Variants in RBMS1 observed in about 807,000 individuals in gnomAD.
RBMS1 encodes the protein RNA-binding motif, single-stranded-interacting protein 1.
A neutral mutation model predicts 62.3 loss-of-function variants in RBMS1; 17 were observed. The ratio of observed to expected loss-of-function variants is 0.27; its 90% confidence interval spans 0.19 to 0.41. The LOEUF is 0.41. Ranked by LOEUF, RBMS1 falls within the 10% of genes least tolerant of loss-of-function variation. RBMS1 has a pLI of 1.00. For synonymous variants in RBMS1, 172 were observed against 170.0 expected (o/e 1.01, Z -0.09); for missense variants, 334 against 504.5 (o/e 0.66, Z 3.24).
Position 160,400,567 on chromosome 2 carries a change from T to A in RBMS1, c.76-33176A>T, listed in dbSNP as rs1289982021. On this transcript the variant is annotated intron_variant, in intron 1 of 13. Transcript: ENST00000348849. ...TAAGTCAAATGAAAACAGGTGATTG[T>A]GATAATGCCTCTATATTTAGAATAT... 2.0e-5 allele frequency among the ~76,000 whole-genome samples: 3 copies of A among 152,106 alleles called. No individual in the cohort carries two copies. The East Asian group carries it at 5.8e-4, about 29-fold the overall frequency.
intron 1 of RBMS1, among the ~76,000 whole-genome samples, chr2:160,387,460 G>A (rs1694639553): frequency 6.6e-6 from 1 of 152,024 alleles, no homozygotes; most frequent in South Asian, 2.1e-4. Flanking sequence ...ACAAGCAGAG[G>A]CAGGGAGAGG....
chr2:160,324,861 G>A (rs1690797302), intron 2 of RBMS1, among the ~76,000 whole-genome samples: 1 of 127,964 alleles, frequency 7.8e-6, no homozygotes. Context: ...ACTATTCTAA[G>A]CGAGATGTGT....
At chr2:160,453,960 A>C (rs1553528781) in intron 1 of RBMS1, among the ~76,000 whole-genome samples, 1 of 151,940 alleles carries the variant, frequency 6.6e-6, no homozygotes, top group Non-Finnish European at 1.5e-5. Flanking sequence ...TTCCCAACCC[A>C]CTAAGTTTCA....
chr2:160,418,311 C>A (rs1190423897), intron 1 of RBMS1, among the ~76,000 whole-genome samples: 1 of 152,226 alleles, frequency 6.6e-6, no homozygotes, highest in Non-Finnish European at 1.5e-5. Context: ...TCAATTCCAA[C>A]TGATGAGCCT....
chr2:160,407,390 G>C (rs1380035083), intron 1 of RBMS1: 6 of 985,664 alleles, frequency 6.1e-6, no homozygotes, highest in Non-Finnish European at 7.2e-6. Context: ...AGGAGGCGCG[G>C]AGCCCCTGAG....
intron 1 of RBMS1, among the ~76,000 whole-genome samples, chr2:160,407,232 G>A (rs1043729909): frequency 6.6e-6 from 1 of 151,996 alleles, no homozygotes; most frequent in East Asian, 1.9e-4. Flanking sequence ...CCGGCTCTCC[G>A]CTCCTGCCCC....
At chr2:160,282,270 C>A (rs1386537536) in intron 9 of RBMS1, 1 of 1,367,838 alleles carries the variant, frequency 7.3e-7, no homozygotes, top group Admixed American at 1.9e-5. Context: ...GATAGCAGAG[C>A]CCCGATACTT....
chr2:160,457,378 C>T (rs1029256738), intron 1 of RBMS1, among the ~76,000 whole-genome samples: 5 of 152,190 alleles, frequency 3.3e-5, no homozygotes, highest in African/African-American at 1.2e-4. Flanking sequence ...GATCTGCCTG[C>T]CTCAGCCTCC....
At chr2:160,416,436 C>T (rs1696211588) in intron 1 of RBMS1, among the ~76,000 whole-genome samples, 2 of 152,078 alleles carry the variant, frequency 1.3e-5, no homozygotes, top group African/African-American at 4.8e-5. Flanking sequence ...TAGATAACTT[C>T]TGAAGACATT....
rs1694785293 is a variant in RBMS1, at chr2:160,390,168, C to T, written c.76-22777G>A. 1.3e-5 allele frequency among the ~76,000 whole-genome samples: 2 copies of T among 152,174 alleles called. 1 individual carries two copies. The highest frequency in any genetic ancestry group is 4.1e-4 in the South Asian group (2 of 4,828). ...TGCTTTTCCACTCCACCCACTTACA[C>T]ACCCCAAGTGAGATGTGGTGGATGA... is the stretch of plus-strand genomic sequence containing the variant. On this transcript the variant is annotated intron_variant, in intron 1 of 13. Coordinates refer to ENST00000348849, the MANE Select transcript of RBMS1 (RefSeq NM_016836.4).
chr2:160,400,580 A>AT (rs1695383911), intron 1 of RBMS1, among the ~76,000 whole-genome samples: 1 of 152,152 alleles, frequency 6.6e-6, no homozygotes, highest in African/African-American at 2.4e-5. Context: ...TAATGCCTCT[A>AT]TATTTAGAAT....
chr2:160,359,881 T>C (rs1161237184), intron 2 of RBMS1, among the ~76,000 whole-genome samples: 2 of 152,164 alleles, frequency 1.3e-5, no homozygotes, highest in Admixed American at 6.6e-5. Context: ...GTACAAATAA[T>C]GAATATAACC....
intron 1 of RBMS1, among the ~76,000 whole-genome samples, chr2:160,489,729 A>G (rs1031659210): frequency 6.6e-6 from 1 of 152,158 alleles, no homozygotes; most frequent in Non-Finnish European, 1.5e-5. Flanking sequence ...TTTCGTATAG[A>G]CATTTCTTCA....
chr2:160,292,374 G>C (rs1455792897), intron 6 of RBMS1, among the ~76,000 whole-genome samples: 1 of 152,118 alleles, frequency 6.6e-6, no homozygotes, highest in African/African-American at 2.4e-5. Context: ...GTGGCAACAG[G>C]GGGAGCTCAA....
intron 1 of RBMS1, among the ~76,000 whole-genome samples, chr2:160,441,281 A>T (rs548055625): frequency 1.3e-5 from 2 of 152,280 alleles, no homozygotes; most frequent in South Asian, 4.1e-4. Context: ...GGACATTTGG[A>T]TTGTTTCCAG....
chr2:160,421,291 T>TC (rs528726930), intron 1 of RBMS1, among the ~76,000 whole-genome samples: 1 of 151,562 alleles, frequency 6.6e-6, no homozygotes, highest in African/African-American at 2.4e-5. Flanking sequence ...TGCTATTCCC[T>TC]CCCCCCTTCC....
intron 1 of RBMS1, among the ~76,000 whole-genome samples, chr2:160,371,112 A>G (rs1693701937): frequency 6.6e-6 from 1 of 152,250 alleles, no homozygotes; most frequent in Non-Finnish European, 1.5e-5. Context: ...TCATTCATAG[A>G]TTAAAATGCA....
chr2:160,462,543 A>C (rs1454591763), intron 1 of RBMS1, among the ~76,000 whole-genome samples: 1 of 152,240 alleles, frequency 6.6e-6, no homozygotes, highest in East Asian at 1.9e-4. Context: ...CTGAACAAGA[A>C]GAATATTTGG....
intron 1 of RBMS1, among the ~76,000 whole-genome samples, chr2:160,396,437 C>CA (rs1287548808): frequency 6.6e-6 from 1 of 151,896 alleles, no homozygotes; most frequent in Non-Finnish European, 1.5e-5. Context: ...ATCCTCCAAA[C>CA]AACTCCACAA....
Sources: allele counts gnomAD v4.1 joint callset (sites outside exome capture counted in the v4.1 genomes callset), GRCh38; gene constraint gnomAD v4.1.1; transcripts MANE v1.5; gene names NCBI Gene and HGNC (gene_info 2026-07-23, HGNC 2026-07-21).